SLMAP: variants seen among roughly 807,000 people sequenced by gnomAD.
SLMAP encodes the protein sarcolemmal membrane-associated protein.
In SLMAP, 44 loss-of-function variants were observed where a neutral mutation model predicts 128.8. The ratio of observed to expected loss-of-function variants is 0.34; its 90% CI spans 0.27 to 0.44. The LOEUF (loss-of-function observed/expected upper bound fraction) is 0.44, where lower values mean the gene tolerates loss of function less well. SLMAP is among the 20% of genes least tolerant of loss of function. The probability of loss-of-function intolerance (pLI) is 1.00; values close to 1 mark genes in which losing one functional copy is unlikely to be tolerated. For synonymous variants in SLMAP, 327 were observed against 348.8 expected, an observed-to-expected ratio of 0.94 and a Z score of 0.70; for missense variants, 787 against 985.3, an observed-to-expected ratio of 0.80 and a Z score of 2.69.
chr3:57,771,172 CCCTCCCCTCTCCTCT>C (rs2080797509), intron 2 of SLMAP, among the ~76,000 whole-genome samples: 1 of 142,174 alleles, frequency 7.0e-6, no homozygotes, highest in African/African-American at 2.8e-5. Context: ...CCCTCCCCTC[CCCTCCCCTCTCCTCT>C]CCTCCCTTCT....
chr3:57,903,642 G>A (rs1178082333), intron 17 of SLMAP, among the ~76,000 whole-genome samples: 3 of 152,178 alleles, frequency 2.0e-5, no homozygotes, highest in African/African-American at 7.2e-5. Flanking sequence ...TTTATAGTGT[G>A]AATTTACAGG....
chr3:57,756,839 G>C lies in SLMAP; in HGVS notation c.-813G>C, dbSNP rs1021907013. The C allele has an allele frequency of 6.6e-6, 1 of 152,230 alleles. No homozygotes were observed. The highest frequency in any genetic ancestry group is 6.5e-5 in the Admixed American group (1 of 15,286). 9.4% of individuals were successfully genotyped at this position (152,230 alleles called of 1,614,324 possible). A position where few individuals can be genotyped will look rare whatever the true frequency, so the allele number is the denominator to read the frequency against. On this transcript the variant is annotated 5_prime_UTR_variant, in exon 2 of 25. Coordinates refer to ENST00000671191, the MANE Select transcript of SLMAP (RefSeq NM_001377540.1). ...CTGGGAACTCGAGCCTCCCGGTGTC[G>C]CGCCTCGCTCGGTCCGCACCGGCCT... is the stretch of plus-strand genomic sequence containing the variant.
At chr3:57,759,510 A>G (rs1347563523) in intron 2 of SLMAP, among the ~76,000 whole-genome samples, 1 of 152,202 alleles carries the variant, frequency 6.6e-6, no homozygotes, top group Non-Finnish European at 1.5e-5. Flanking sequence ...TCCTGACCTC[A>G]GTTGATCCAC....
intron 13 of SLMAP, among the ~76,000 whole-genome samples, chr3:57,870,539 A>G (rs1049028109): frequency 6.6e-6 from 1 of 152,176 alleles, no homozygotes; most frequent in African/African-American, 2.4e-5. Flanking sequence ...TCTGCACACC[A>G]TGTAACTTAT....
intron 23 of SLMAP, among the ~76,000 whole-genome samples, chr3:57,924,934 GTGTTTTTTGTTTTT>G (rs574788509): frequency 2.7e-5 from 4 of 148,450 alleles, no homozygotes; most frequent in Non-Finnish European, 6.0e-5. Context: ...AGTATTGTCA[GTGTTTTTTGTTTTT>G]TGTTTTTTGT....
chr3:57,807,861 G>C (rs1258194828), intron 2 of SLMAP, among the ~76,000 whole-genome samples: 1 of 152,146 alleles, frequency 6.6e-6, no homozygotes, highest in Non-Finnish European at 1.5e-5. Flanking sequence ...GCTCCTCTTT[G>C]TTCCTCTGGT....
intron 3 of SLMAP, among the ~76,000 whole-genome samples, chr3:57,833,482 C>T (rs1372668868): frequency 6.6e-6 from 1 of 151,444 alleles, no homozygotes; most frequent in Non-Finnish European, 1.5e-5. Context: ...AGTGCAGTGG[C>T]ACCATCTCCA....
intron 2 of SLMAP, among the ~76,000 whole-genome samples, chr3:57,781,451 A>G (rs968250350): frequency 1.4e-4 from 21 of 152,204 alleles, no homozygotes; most frequent in Non-Finnish European, 2.4e-4. Context: ...GGGTTAATAA[A>G]AGAACAAACA....
chr3:57,913,346 T>A (rs1576311906), intron 21 of SLMAP, 71 bp downstream of exon 21: 2 of 666,790 alleles, frequency 3.0e-6, no homozygotes, highest in Non-Finnish European at 5.1e-6. Context: ...AAATTAAATT[T>A]AATTTTAATA....
intron 23 of SLMAP, among the ~76,000 whole-genome samples, chr3:57,923,335 G>T (rs2096949190): frequency 6.6e-6 from 1 of 152,186 alleles, no homozygotes; most frequent in South Asian, 2.1e-4. Context: ...CTATCATCTG[G>T]CTCTTGTTTC....
chr3:57,918,627 A>T (rs2096858595), intron 22 of SLMAP: 1 of 152,142 alleles, frequency 6.6e-6, no homozygotes, highest in African/African-American at 2.4e-5. Context: ...GATACTATAT[A>T]CTATAGTTTA....
intron 2 of SLMAP, among the ~76,000 whole-genome samples, chr3:57,776,093 CTA>C (rs1273261166): frequency 5.9e-5 from 9 of 152,174 alleles, no homozygotes; most frequent in African/African-American, 9.6e-5. Context: ...AGTTTTATGA[CTA>C]TGTGCTACTT....
At chr3:57,835,864 A>C (rs150228204) in intron 3 of SLMAP, among the ~76,000 whole-genome samples, 1 of 151,976 alleles carries the variant, frequency 6.6e-6, no homozygotes, top group African/African-American at 2.4e-5. Flanking sequence ...TACAGAAAGC[A>C]TGAATGCCTG....
intron 2 of SLMAP, among the ~76,000 whole-genome samples, chr3:57,799,394 A>G (rs1223168884): frequency 6.6e-6 from 1 of 152,194 alleles, no homozygotes; most frequent in African/African-American, 2.4e-5. Flanking sequence ...TTGTTTGCCT[A>G]AGGTCAAAGA....
chr3:57,864,284 G>A (rs933616417), intron 10 of SLMAP, among the ~76,000 whole-genome samples: 1 of 152,124 alleles, frequency 6.6e-6, no homozygotes. Context: ...GCGCATGCCT[G>A]TAATCCCAGC....
At chr3:57,917,196 T>C in intron 22 of SLMAP, 119 bp downstream of exon 22, 1 of 1,547,320 alleles carries the variant, frequency 6.5e-7, no homozygotes, top group African/African-American at 1.4e-5. Flanking sequence ...GTCACAAAAT[T>C]GATACTTGGA....
At chr3:57,874,154 T>C (rs1268970349) in intron 14 of SLMAP, among the ~76,000 whole-genome samples, 1 of 151,496 alleles carries the variant, frequency 6.6e-6, no homozygotes, top group African/African-American at 2.4e-5. Flanking sequence ...TATCCGGGAG[T>C]GATGGCACAT....
chr3:57,903,448 A>G (rs2096447575), intron 17 of SLMAP, among the ~76,000 whole-genome samples: 1 of 152,232 alleles, frequency 6.6e-6, no homozygotes, highest in East Asian at 1.9e-4. Context: ...ACAAGTATGC[A>G]CATGCAAAAT....
At chr3:57,864,066 A>T (rs2095217194) in intron 10 of SLMAP, among the ~76,000 whole-genome samples, 1 of 152,148 alleles carries the variant, frequency 6.6e-6, no homozygotes, top group African/African-American at 2.4e-5. Context: ...CCCAATGCAG[A>T]TAATTTTTGA....
Sources: gnomAD v4.1 joint callset for allele counts (sites outside exome capture counted in the v4.1 genomes callset) on GRCh38, gnomAD v4.1.1 for gene constraint, MANE v1.5 for transcripts, NCBI Gene and HGNC (gene_info 2026-07-23, HGNC 2026-07-21) for gene names.